Variants in RING1 observed in about 807,000 individuals in gnomAD.
The protein encoded by RING1 is ring finger protein 1.
RING1 carries 8 observed loss-of-function variants against 35.0 expected under a neutral mutation model. The observed-to-expected ratio is 0.23, with a 90% CI of 0.13 to 0.41. The LOEUF (loss-of-function observed/expected upper bound fraction) is 0.41, where lower values mean the gene tolerates loss of function less well. Ranked by LOEUF, RING1 falls within the 10% of genes least tolerant of loss-of-function variation. The pLI is 1.00. For missense variants in RING1, 343 were observed against 546.8 expected (o/e 0.63, Z 3.72); for synonymous variants, 214 against 224.3 (o/e 0.95, Z 0.41).
chr6:33,209,685 C>G lies in RING1; in HGVS notation c.138C>G (p.Leu46=), dbSNP rs1422211766. The stretch of plus-strand genomic sequence containing the variant: ...CCCCTCGGTCACTGCATTCAGAACT[C>G]ATGTGCCCTATCTGCCTGGACATGC... ...AVSPRSLHSE[L]MCPICLDMLK... Residue 46 remains leucine, a synonymous_variant, in exon 3 of 7, where the codon CTC becomes CTG. Coordinates refer to ENST00000374656, the MANE Select transcript of RING1 (RefSeq NM_002931.4). The surrounding 1 kb of genome is among the most constrained non-coding windows in gnomAD (Gnocchi z 5.1). 1 of 1,613,126 alleles carries G rather than the reference C, an allele frequency of 6.2e-7. No homozygotes were observed. Among genetic ancestry groups the G allele is most frequent in the Admixed American group, 1.7e-5 (1 of 60,036 alleles).
intron 4 of RING1, among the ~76,000 whole-genome samples, chr6:33,210,562 A>G (rs974707054): frequency 5.3e-5 from 8 of 151,664 alleles, no homozygotes; most frequent in African/African-American, 1.7e-4. Context: ...CCATGATCAC[A>G]CCACTGCACA....
intron 6 of RING1, 88 bp from the exon 7 acceptor site, chr6:33,212,210 T>C: frequency 1.9e-6 from 2 of 1,028,220 alleles, no homozygotes; most frequent in Non-Finnish European, 3.0e-6. Flanking sequence ...CCTCCCTTGG[T>C]CACCTTTTGC....
At position 33,210,584 on chromosome 6, in the gene RING1, C is replaced by A. The variant is rs1775451076; in HGVS notation, c.455+454C>A. On this transcript the variant is annotated intron_variant, in intron 4 of 6. Transcript: ENST00000374656. ...CACACCACTGCACACTGCACTCCAGCCTGCTGGGCGACAGAACAAGGCCCT... is the reference window on the plus strand; with the variant it reads ...CACACCACTGCACACTGCACTCCAGACTGCTGGGCGACAGAACAAGGCCCT... Among the ~76,000 whole-genome samples the A allele has an allele frequency of 1.3e-5, 2 of 151,740 alleles. 1 individual carries two copies. Among genetic ancestry groups the A allele is most frequent in the South Asian group, 4.1e-4 (2 of 4,824 alleles).
chr6:33,209,045 C>T lies in RING1; in HGVS notation c.78+145C>T, dbSNP rs571728065. The T allele has an allele frequency of 5.3e-6, 4 of 753,040 alleles. No homozygotes were observed. Among genetic ancestry groups the T allele is most frequent in the Non-Finnish European group, 9.5e-6 (4 of 421,410 alleles). The allele number at this position is 753,040 out of a possible 1,614,324, so 46.6% of individuals were successfully genotyped here. ...GAATCACCTTAATCTTTCCAAAGCA[C>T]TTTCGCATTTAGCTCATTTAATCCT... On this transcript the variant is annotated intron_variant, in intron 2 of 6. Transcript: ENST00000374656. This position sits in a 1 kb window ranked among gnomAD's most constrained non-coding sequence, Gnocchi z 5.1.
chr6:33,212,176 TTTA>T (rs1335057123), intron 6 of RING1, 119 bp from the exon 7 acceptor site: 7 of 898,666 alleles, frequency 7.8e-6, no homozygotes, highest in Non-Finnish European at 1.2e-5. Flanking sequence ...CCTTATCGCT[TTTA>T]TTATTCCTTT....
Position 33,208,782 on chromosome 6 carries a change from T to A in RING1, c.-41T>A, listed in dbSNP as rs1428834308. ...ACCCCCAGCCTTCTTCGCCTTCTCCTCGGCTGTGGAGCCCTGGTGGGGGGT... is the reference window on the plus strand; with the variant it reads ...ACCCCCAGCCTTCTTCGCCTTCTCCACGGCTGTGGAGCCCTGGTGGGGGGT... On this transcript the variant is annotated 5_prime_UTR_variant, in exon 2 of 7. Coordinates refer to ENST00000374656, the MANE Select transcript of RING1 (RefSeq NM_002931.4). The surrounding 1 kb of genome is among the most constrained non-coding windows in gnomAD (Gnocchi z 6.2). 6.7e-7 allele frequency: 1 copy of A among 1,484,176 alleles called. No homozygotes were observed. The highest frequency in any genetic ancestry group is 2.0e-5 in the Admixed American group (1 of 50,574). The allele number at this position is 1,484,176 out of a possible 1,614,324, so 91.9% of individuals were successfully genotyped here. A position where few individuals can be genotyped will look rare whatever the true frequency, so the allele number is the denominator to read the frequency against.
At position 33,211,188 on chromosome 6, in the gene RING1, G is replaced by A. The variant is rs1775499081; in HGVS notation, c.486G>A (p.Gly162=). The change falls in exon 5 of 7, where the codon GGG becomes GGA. Residue 162 remains glycine, a synonymous_variant. Coordinates refer to ENST00000374656, the MANE Select transcript of RING1 (RefSeq NM_002931.4). The surrounding 1 kb of genome is among the most constrained non-coding windows in gnomAD (Gnocchi z 6.3). The part of the protein sequence containing the change: ...RAQRVRRPIP[G]SDQTTTMSGG... ...AGCGTGTGAGGCGGCCGATACCAGGGTCAGATCAGACCACAACGATGAGTG... is the reference window on the plus strand; with the variant it reads ...AGCGTGTGAGGCGGCCGATACCAGGATCAGATCAGACCACAACGATGAGTG... 13 of 1,611,410 alleles carry A rather than the reference G, an allele frequency of 8.1e-6. No individual in the cohort carries two copies. The East Asian group carries it at 1.1e-4, about 14-fold the overall frequency.
chr6:33,210,970 C>T (rs907942548), intron 4 of RING1, among the ~76,000 whole-genome samples, 188 bp from the exon 5 acceptor site: 9 of 152,188 alleles, frequency 5.9e-5, no homozygotes, highest in Admixed American at 2.6e-4. Flanking sequence ...TTACCTGTGT[C>T]ATAGGATTCA....
At chr6:33,212,268 T>C (rs2854027) in intron 6 of RING1, 30 bp from the exon 7 acceptor site, 251,392 of 1,426,922 alleles carry the variant, frequency 0.18, 23,925 homozygotes, top group South Asian at 0.24. Context: ...CTCTCTCTTT[T>C]CCCCTCTCTC....
chr6:33,209,079 C>G lies in RING1; in HGVS notation c.78+179C>G, dbSNP rs1371608724. ...TTAGCTCATTTAATCCTCAAAACAG[C>G]CCTGCCAGAGAGGTGGAACAAGTAT... On this transcript the variant is annotated intron_variant, in intron 2 of 6. Transcript: ENST00000374656. This position sits in a 1 kb window ranked among gnomAD's most constrained non-coding sequence, Gnocchi z 5.1. 1 of 710,874 alleles carries G rather than the reference C, an allele frequency of 1.4e-6. No individual in the cohort carries two copies. The highest frequency in any genetic ancestry group is 2.6e-6 in the Non-Finnish European group (1 of 388,698). 44.0% of individuals were successfully genotyped at this position (710,874 alleles called of 1,614,324 possible). A position where few individuals can be genotyped will look rare whatever the true frequency, so the allele number is the denominator to read the frequency against.
rs182594008 is a variant in RING1, at chr6:33,209,873, T to A, written c.240-42T>A. 7.1e-4 allele frequency: 1,152 copies of A among 1,611,584 alleles called. 9 individuals carry two copies. In the African/African-American group the frequency reaches 0.01, roughly 15 times the overall value. ...GTCTTGGTTCAGCCTAGGCTTCAGT[T>A]CCCTTGACTGACCACTCAGGGCTTC... On this transcript the variant is annotated intron_variant, in intron 3 of 6. Transcript: ENST00000374656. This position sits in a 1 kb window ranked among gnomAD's most constrained non-coding sequence, Gnocchi z 5.1.
At position 33,211,206 on chromosome 6, in the gene RING1, G is replaced by A. The variant is rs554135886; in HGVS notation, c.504G>A (p.Thr168=). The A allele has an allele frequency of 5.1e-5, 83 of 1,612,814 alleles. No individual in the cohort carries two copies. In the East Asian group the frequency reaches 8.9e-4, roughly 17 times the overall value. ...RPIPGSDQTT[T]MSGGEGEPGE... ...TACCAGGGTCAGATCAGACCACAAC[G>A]ATGAGTGGGGGGGAAGGAGAGCCCG... The change falls in exon 5 of 7, where the codon ACG becomes ACA. Residue 168 remains threonine (T), a synonymous_variant. Coordinates refer to ENST00000374656, the MANE Select transcript of RING1 (RefSeq NM_002931.4). This position sits in a 1 kb window ranked among gnomAD's most constrained non-coding sequence, Gnocchi z 6.3.
rs754640364 is a variant in RING1 at position 33,211,897 on chromosome 6, T to A, written c.1014T>A (p.Gly338=). 3 of 1,592,926 alleles carry A rather than the reference T, an allele frequency of 1.9e-6. No individual in the cohort carries two copies. In the South Asian group the frequency reaches 3.4e-5, roughly 18 times the overall value. ...GPDGCGGEGG[G]AGGGDGPEEP... is the part of the protein sequence containing the mutation. ...ATGGGTGTGGCGGGGAGGGTGGGGGTGCCGGAGGAGGTGACGGTCCTGAGG... is the reference window on the plus strand; with the variant it reads ...ATGGGTGTGGCGGGGAGGGTGGGGGAGCCGGAGGAGGTGACGGTCCTGAGG... Residue 338 remains glycine, a synonymous_variant, in exon 6 of 7, where the codon GGT becomes GGA. Coordinates refer to ENST00000374656, the MANE Select transcript of RING1 (RefSeq NM_002931.4). This position sits in a 1 kb window ranked among gnomAD's most constrained non-coding sequence, Gnocchi z 6.3.
At position 33,211,124 on chromosome 6, in the gene RING1, G is replaced by A. The variant is rs916805030; in HGVS notation, c.456-34G>A. 6.5e-7 allele frequency: 1 copy of A among 1,536,604 alleles called. No individual in the cohort carries two copies. The highest frequency in any genetic ancestry group is 8.8e-7 in the Non-Finnish European group (1 of 1,139,918). On this transcript the variant is annotated intron_variant, in intron 4 of 6. Transcript: ENST00000374656. This position sits in a 1 kb window ranked among gnomAD's most constrained non-coding sequence, Gnocchi z 6.3. ...TTTAAAGTCTAAGCCCTTTATCCTGGATGCCTTCTAACCTTAACCACTTGC... is the reference window on the plus strand; with the variant it reads ...TTTAAAGTCTAAGCCCTTTATCCTGAATGCCTTCTAACCTTAACCACTTGC...
In RING1 at chr6:33,212,487, C is replaced by G; in HGVS notation, c.*88C>G. The G allele has an allele frequency of 1.2e-6, 1 of 805,252 alleles. No individual in the cohort carries two copies. 49.9% of individuals were successfully genotyped at this position (805,252 alleles called of 1,614,324 possible). A position where few individuals can be genotyped will look rare whatever the true frequency, so the allele number is the denominator to read the frequency against. The stretch of plus-strand genomic sequence containing the variant: ...CCCAGCTTCTTTGTCCCCCAGTACC[C>G]CCAGCCCAGCCAGCCAATAAGAGGA... On this transcript the variant is annotated 3_prime_UTR_variant, in exon 7 of 7. Coordinates refer to ENST00000374656, the MANE Select transcript of RING1 (RefSeq NM_002931.4).
Position 33,212,009 on chromosome 6 carries a change from G to T in RING1, c.1119+7G>T. Reference sequence around the variant, plus strand: ...TGGAGGCGGGGCGTTCACGGTGAGAGCTTCTGAGGGCAGTGGTAGAAGAGG... The same window carrying T: ...TGGAGGCGGGGCGTTCACGGTGAGATCTTCTGAGGGCAGTGGTAGAAGAGG... On this transcript the variant is annotated splice_region_variant and intron_variant, in intron 6 of 6. Coordinates refer to ENST00000374656, the MANE Select transcript of RING1 (RefSeq NM_002931.4). 1 of 1,516,836 alleles carries T rather than the reference G, an allele frequency of 6.6e-7. No individual in the cohort carries two copies. The allele number at this position is 1,516,836 out of a possible 1,614,324, so 94.0% of individuals were successfully genotyped here. A position where few individuals can be genotyped will look rare whatever the true frequency, so the allele number is the denominator to read the frequency against.
chr6:33,208,938 C>G lies in RING1; in HGVS notation c.78+38C>G, dbSNP rs762078557. 3.3e-5 allele frequency: 50 copies of G among 1,535,184 alleles called. No individual in the cohort carries two copies. The highest frequency in any genetic ancestry group is 9.6e-5 in the African/African-American group (7 of 73,148). Reference sequence around the variant, plus strand: ...CTCCCTTTCAGGCTTACCCCCTCCCCCAAACCCTTATATCCACAGACCGCA... The same window carrying G: ...CTCCCTTTCAGGCTTACCCCCTCCCGCAAACCCTTATATCCACAGACCGCA... On this transcript the variant is annotated intron_variant, in intron 2 of 6. Coordinates refer to ENST00000374656, the MANE Select transcript of RING1 (RefSeq NM_002931.4). This position sits in a 1 kb window ranked among gnomAD's most constrained non-coding sequence, Gnocchi z 6.2.
rs953788385 is a variant in RING1 at position 33,212,393 on chromosome 6, A to G, written c.1215A>G (p.Pro405=). 5.1e-6 allele frequency: 8 copies of G among 1,583,992 alleles called. No homozygotes were observed. Among genetic ancestry groups the G allele is most frequent in the Non-Finnish European group, 6.9e-6 (8 of 1,164,320 alleles). ...TGTGCTATGCTCCCACCAAGGATCCAAAGTGACCCCACCAGGGGACAGCCA... is the reference window on the plus strand; with the variant it reads ...TGTGCTATGCTCCCACCAAGGATCCGAAGTGACCCCACCAGGGGACAGCCA... ...LELCYAPTKD[P]K Residue 405 remains proline, a synonymous_variant, in exon 7 of 7, where the codon CCA becomes CCG. Coordinates refer to ENST00000374656, the MANE Select transcript of RING1 (RefSeq NM_002931.4).
At position 33,212,482 on chromosome 6, in the gene RING1, G is replaced by C; in HGVS notation, c.*83G>C. On this transcript the variant is annotated 3_prime_UTR_variant, in exon 7 of 7. Coordinates refer to ENST00000374656, the MANE Select transcript of RING1 (RefSeq NM_002931.4). ...ATCACCCCAGCTTCTTTGTCCCCCA[G>C]TACCCCCAGCCCAGCCAGCCAATAA... The C allele has an allele frequency of 1.1e-6, 1 of 887,840 alleles. No individual in the cohort carries two copies. The highest frequency in any genetic ancestry group is 2.2e-4 in the Middle Eastern group (1 of 4,454). The allele number at this position is 887,840 out of a possible 1,614,324, so 55.0% of individuals were successfully genotyped here. A position where few individuals can be genotyped will look rare whatever the true frequency, so the allele number is the denominator to read the frequency against.
Sources: allele counts gnomAD v4.1 joint callset (sites outside exome capture counted in the v4.1 genomes callset), GRCh38; gene constraint gnomAD v4.1.1; non-coding constraint Gnocchi (gnomAD v3.1); transcripts MANE v1.5; gene names NCBI Gene and HGNC (gene_info 2026-07-23, HGNC 2026-07-21).